Variants in SCML4 observed in about 807,000 individuals in gnomAD.
SCML4 encodes sex comb on midleg-like protein 4.
SCML4 carries 34 observed loss-of-function variants against 41.1 expected under a neutral mutation model. The ratio of observed to expected loss-of-function variants is 0.83; its 90% CI spans 0.63 to 1.10. The LOEUF (loss-of-function observed/expected upper bound fraction) is 1.10. Ranked by LOEUF, SCML4 falls within the 50% of genes least tolerant of loss-of-function variation. The pLI, the probability that SCML4 is intolerant of heterozygous loss-of-function variation, is 0.00. For synonymous variants in SCML4, 214 were observed against 220.9 expected (o/e 0.97, Z 0.28); for missense variants, 522 against 534.1 (o/e 0.98, Z 0.22).
intron 1 of SCML4, among the ~76,000 whole-genome samples, chr6:107,813,373 T>A (rs1443788530): frequency 0.3 from 2,784 of 9,244 alleles, 237 homozygotes; most frequent in African/African-American, 0.44. Flanking sequence ...AAAAAAATTA[T>A]ATATATATAT....
chr6:107,754,388 A>G (rs1346861853), intron 2 of SCML4, among the ~76,000 whole-genome samples: 1 of 152,198 alleles, frequency 6.6e-6, no homozygotes, highest in East Asian at 1.9e-4. Context: ...TGACTTCCTC[A>G]TCTGCCAAGT....
chr6:107,787,893 A>C (rs546551025), intron 1 of SCML4, among the ~76,000 whole-genome samples: 1 of 152,328 alleles, frequency 6.6e-6, no homozygotes, highest in African/African-American at 2.4e-5. Flanking sequence ...TTCATATGAT[A>C]CTCTTTGGAA....
At chr6:107,763,746 A>G (rs568350875) in intron 2 of SCML4, among the ~76,000 whole-genome samples, 27 of 152,330 alleles carry the variant, frequency 1.8e-4, no homozygotes, top group African/African-American at 6.5e-4. Flanking sequence ...TGTCTCCACC[A>G]TGTGAGGACA....
chr6:107,802,642 A>G (rs1465381284), intron 1 of SCML4, among the ~76,000 whole-genome samples: 1 of 94,822 alleles, frequency 1.1e-5, no homozygotes, highest in Non-Finnish European at 2.3e-5. Context: ...AAGGAAAGAA[A>G]ATTGGAAAGG....
chr6:107,714,654 C>T (rs1381580335), intron 6 of SCML4, among the ~76,000 whole-genome samples: 2 of 152,242 alleles, frequency 1.3e-5, no homozygotes, highest in African/African-American at 2.4e-5. Context: ...CAGGAAGTCT[C>T]TGCTGGCTAG....
chr6:107,733,928 G>A (rs554264789), intron 5 of SCML4, among the ~76,000 whole-genome samples: 14 of 152,308 alleles, frequency 9.2e-5, no homozygotes, highest in African/African-American at 2.9e-4. Context: ...TAGAGAGGCT[G>A]GGAGACCCCC....
intron 5 of SCML4, among the ~76,000 whole-genome samples, chr6:107,724,802 G>A (rs1041767954): frequency 6.6e-6 from 1 of 152,110 alleles, no homozygotes. Context: ...GAATTGCAAG[G>A]GACACAGAAT....
At chr6:107,733,905 C>T in intron 5 of SCML4, among the ~76,000 whole-genome samples, 1 of 152,200 alleles carries the variant, frequency 6.6e-6, no homozygotes, top group South Asian at 2.1e-4. Context: ...TGGACACAGA[C>T]ACAACTATTT....
At chr6:107,756,431 T>C (rs1187959637) in intron 2 of SCML4, among the ~76,000 whole-genome samples, 1 of 152,068 alleles carries the variant, frequency 6.6e-6, no homozygotes, top group Non-Finnish European at 1.5e-5. Flanking sequence ...CTTTACAAAA[T>C]ACCCAACCAG....
chr6:107,719,242 G>A (rs3844149), intron 6 of SCML4: 134,744 of 152,314 alleles, frequency 0.88, 59,835 homozygotes, highest in South Asian at 0.92. Context: ...TGCTGTGGAG[G>A]GAGAATCTGC....
In SCML4 at chr6:107,766,016, G is replaced by A. The variant is rs1447214303; in HGVS notation, c.156+6156C>T. 4.6e-5 allele frequency among the ~76,000 whole-genome samples: 7 copies of A among 152,328 alleles called. No individual in the cohort carries two copies. In the East Asian group the frequency reaches 9.6e-4, roughly 21 times the overall value. ...AACTATTATCCAATCCAGGCATGGT[G>A]GCACATGCCTGTAGTCCCAGCTGTT... On this transcript the variant is annotated intron_variant, in intron 2 of 7. Coordinates refer to ENST00000369020, the MANE Select transcript of SCML4 (RefSeq NM_198081.5).
the SCML4 span, among the ~76,000 whole-genome samples, chr6:107,835,411 A>T: frequency 2.1e-4 from 32 of 152,144 alleles, no homozygotes; most frequent in Admixed American, 9.8e-4. Flanking sequence ...AATAAAAAGG[A>T]CATTAAAAGA....
chr6:107,841,581 T>C, the SCML4 span, among the ~76,000 whole-genome samples: 62 of 152,232 alleles, frequency 4.1e-4, no homozygotes, highest in Non-Finnish European at 8.8e-4. Context: ...CTCTGCATGC[T>C]TTCGTTCCCA....
chr6:107,728,294 A>G (rs1776194704), intron 5 of SCML4, among the ~76,000 whole-genome samples: 1 of 152,188 alleles, frequency 6.6e-6, no homozygotes, highest in Admixed American at 6.5e-5. Context: ...GAACAAGGGA[A>G]CATGCACTGA....
chr6:107,839,393 GAAAGAAAGAAAGAA>G, the SCML4 span, among the ~76,000 whole-genome samples: 1 of 134,388 alleles, frequency 7.4e-6, no homozygotes, highest in African/African-American at 2.9e-5. Flanking sequence ...AAGAAAGAAA[GAAAGAAAGAAAGAA>G]AGAGGAAGAA....
rs551332803 is a variant in SCML4 at position 107,743,024 on chromosome 6, A to G, written c.682+1925T>C. Among the ~76,000 whole-genome samples the G allele has an allele frequency of 4.6e-5, 7 of 152,358 alleles. No homozygotes were observed. The East Asian group carries it at 1.3e-3, about 29-fold the overall frequency. On this transcript the variant is annotated intron_variant, in intron 5 of 7. Coordinates refer to ENST00000369020, the MANE Select transcript of SCML4 (RefSeq NM_198081.5). ...TCAAAACATATAAATAGAGGCAACT[A>G]AAAGTCCACTGTAGGGGGGATGGAG...
At chr6:107,744,833 G>GACAGGCA in intron 5 of SCML4, 116 bp downstream of exon 5, 1 of 862,900 alleles carries the variant, frequency 1.2e-6, no homozygotes, top group Non-Finnish European at 1.8e-6. Flanking sequence ...GGCAGCCCAT[G>GACAGGCA]GGGCTCCAGT....
At chr6:107,740,765 T>C (rs1208452743) in intron 5 of SCML4, among the ~76,000 whole-genome samples, 1 of 152,140 alleles carries the variant, frequency 6.6e-6, no homozygotes, top group Non-Finnish European at 1.5e-5. Flanking sequence ...AGGTGAGAGA[T>C]GGTAGGGTCA....
upstream of SCML4, among the ~76,000 whole-genome samples, chr6:107,824,705 A>G (rs1318250593): frequency 6.6e-6 from 1 of 152,176 alleles, no homozygotes; most frequent in Admixed American, 6.5e-5. Flanking sequence ...CTCTGTTGCC[A>G]TAGAAACCAG....
Sources: gnomAD v4.1 joint callset for allele counts (sites outside exome capture counted in the v4.1 genomes callset) on GRCh38, gnomAD v4.1.1 for gene constraint, MANE v1.5 for transcripts, NCBI Gene and HGNC (gene_info 2026-07-23, HGNC 2026-07-21) for gene names.